HMCN2: variants seen among roughly 807,000 people sequenced by gnomAD.
HMCN2 encodes hemicentin 2.
In HMCN2, 325 loss-of-function variants were observed where a neutral mutation model predicts 377.5. The ratio of observed to expected loss-of-function variants is 0.86; its 90% CI spans 0.79 to 0.94. The LOEUF (loss-of-function observed/expected upper bound fraction) is 0.94. Among genes scored for constraint, HMCN2 ranks in the 40% least tolerant of loss-of-function variants. The probability of loss-of-function intolerance (pLI) is 0.00; values close to 1 mark genes in which losing one functional copy is unlikely to be tolerated. For missense variants in HMCN2, 4,543 were observed against 4,725.3 expected (o/e 0.96, Z 1.13); for synonymous variants, 2,007 against 2,046.8 (o/e 0.98, Z 0.53).
At chr9:130,299,815 G>T (rs1258974821) in intron 8 of HMCN2, among the ~76,000 whole-genome samples, 1 of 82,746 alleles carries the variant, frequency 1.2e-5, no homozygotes, top group Admixed American at 1.5e-4. Flanking sequence ...ATTCATGCAT[G>T]CATTGACTCA....
intron 15 of HMCN2, among the ~76,000 whole-genome samples, chr9:130,316,587 C>T (rs926973809): frequency 1.9e-4 from 29 of 152,180 alleles, no homozygotes; most frequent in South Asian, 1.4e-3. Context: ...CAGCTGCAGC[C>T]GTCAGCTGAC....
intron 90 of HMCN2, among the ~76,000 whole-genome samples, chr9:130,426,708 C>T (rs1483032988): frequency 1.3e-5 from 2 of 152,086 alleles, no homozygotes; most frequent in Admixed American, 6.5e-5. Flanking sequence ...GCTTTGAATG[C>T]GGCCCAACAC....
rs1341213368 is a variant in HMCN2, at chr9:130,393,793, G to A, written c.10286G>A (p.Arg3429His). The A allele has an allele frequency of 1.8e-5, 23 of 1,284,712 alleles. No homozygotes were observed. The highest frequency in any genetic ancestry group is 2.5e-5 in the South Asian group (2 of 80,324). The allele number at this position is 1,284,712 out of a possible 1,614,324, so 79.6% of individuals were successfully genotyped here. A position where few individuals can be genotyped will look rare whatever the true frequency, so the allele number is the denominator to read the frequency against. ...TTCCAGAATGACGTGGTGGTGGTTC[G>A]TGGCTCCCTGGTGGAACTCCCGTGC... ...VEFQNDVVVV[R>H]GSLVELPCEA... is the part of the protein sequence containing the mutation. The change falls in exon 68 of 98, where the codon CGT becomes CAT. Residue 3429 changes from arginine (R) to histidine (H), a missense_variant. Transcript: ENST00000683500. The surrounding 1 kb of genome is among the most constrained non-coding windows in gnomAD (Gnocchi z 5.2).
intron 83 of HMCN2, among the ~76,000 whole-genome samples, chr9:130,407,981 G>T (rs1421076443): frequency 6.6e-6 from 1 of 152,222 alleles, no homozygotes; most frequent in Non-Finnish European, 1.5e-5. Flanking sequence ...CTGACCAATT[G>T]CCCTACAGCA....
At chr9:130,324,339 T>A (rs1838012471) in intron 19 of HMCN2, among the ~76,000 whole-genome samples, 1 of 152,212 alleles carries the variant, frequency 6.6e-6, no homozygotes, top group Non-Finnish European at 1.5e-5. Context: ...GTAGCATGTG[T>A]CAGAATTTTA....
intron 43 of HMCN2, among the ~76,000 whole-genome samples, chr9:130,367,306 G>T (rs933615278): frequency 1.3e-5 from 2 of 152,112 alleles, no homozygotes; most frequent in Admixed American, 1.3e-4. Flanking sequence ...CAGAGGAGAG[G>T]TCTGGGCTAG....
At chr9:130,350,176 C>G (rs569524086) in intron 29 of HMCN2, among the ~76,000 whole-genome samples, 219 of 151,508 alleles carry the variant, frequency 1.4e-3, no homozygotes, top group African/African-American at 5.0e-3. Flanking sequence ...TCCCAAAGTG[C>G]TGAGATTACA....
chr9:130,383,733 A>G (rs1841860576), intron 57 of HMCN2, 133 bp downstream of exon 57: 1 of 296,620 alleles, frequency 3.4e-6, no homozygotes, highest in Admixed American at 6.5e-5. Flanking sequence ...CCCCAGCCAC[A>G]TCCCGAGACA....
intron 45 of HMCN2, among the ~76,000 whole-genome samples, chr9:130,370,410 G>C (rs572263742): frequency 6.6e-6 from 1 of 152,296 alleles, no homozygotes; most frequent in Admixed American, 6.5e-5. Context: ...GGTGGAGACA[G>C]GGAGTGGTAA....
In HMCN2 at chr9:130,359,312, C is replaced by CCCCTAGTG. The variant is rs995475264; in HGVS notation, c.5678-3_5682dup. 2 of 1,299,056 alleles carry CCCCTAGTG rather than the reference C, an allele frequency of 1.5e-6. No homozygotes were observed. Among genetic ancestry groups the CCCCTAGTG allele is most frequent in the African/African-American group, 3.0e-5 (2 of 65,716 alleles). The allele number at this position is 1,299,056 out of a possible 1,614,324, so 80.5% of individuals were successfully genotyped here. On this transcript the variant is annotated splice_polypyrimidine_tract_variant and splice_region_variant and intron_variant, in intron 36 of 97. Coordinates refer to ENST00000683500, the MANE Select transcript of HMCN2 (RefSeq NM_001291815.2). ...ACCAAGCTGGGTCTCTCCTTGTCTC[C>CCCCTAGTG]CCCTAGTGCCCCCCAACATCGAGCC... is the stretch of plus-strand genomic sequence containing the variant.
In HMCN2 at chr9:130,414,926, G is replaced by A. The variant is rs974672877; in HGVS notation, c.12962-3846G>A. On this transcript the variant is annotated intron_variant, in intron 85 of 97. Coordinates refer to ENST00000683500, the MANE Select transcript of HMCN2 (RefSeq NM_001291815.2). The surrounding 1 kb of genome is among the most constrained non-coding windows in gnomAD (Gnocchi z 4.4). ...CACTGTGCCTGACCAAGACTGAACT[G>A]TCACCACTGTCACCACTGAGTGGGA... Among the ~76,000 whole-genome samples the A allele has an allele frequency of 3.9e-5, 6 of 152,038 alleles. No homozygotes were observed. Among genetic ancestry groups the A allele is most frequent in the African/African-American group, 1.4e-4 (6 of 41,380 alleles).
At chr9:130,320,151 T>G (rs1837769305) in intron 16 of HMCN2, among the ~76,000 whole-genome samples, 1 of 152,212 alleles carries the variant, frequency 6.6e-6, no homozygotes, top group Admixed American at 6.5e-5. Context: ...ATTCCACAGA[T>G]GAGCAAACTG....
chr9:130,405,161 G>A (rs1843032619), intron 81 of HMCN2, 102 bp downstream of exon 81: 2 of 784,304 alleles, frequency 2.6e-6, no homozygotes, highest in Non-Finnish European at 3.3e-6. Flanking sequence ...CTGGGAGCCT[G>A]GGGAAATCAG....
intron 22 of HMCN2, among the ~76,000 whole-genome samples, chr9:130,329,690 G>A (rs1289384318): frequency 6.6e-6 from 1 of 152,072 alleles, no homozygotes; most frequent in Non-Finnish European, 1.5e-5. Flanking sequence ...TGGTCCACCC[G>A]CCTCGGTCTC....
chr9:130,328,229 C>T (rs1838250655), intron 22 of HMCN2, among the ~76,000 whole-genome samples: 3 of 152,278 alleles, frequency 2.0e-5, no homozygotes, highest in South Asian at 2.1e-4. Context: ...CTAGAGGTGG[C>T]GGGGACCCAG....
chr9:130,425,630 A>G, intron 89 of HMCN2, 57 bp from the exon 90 acceptor site: 10 of 872,278 alleles, frequency 1.1e-5, no homozygotes, highest in African/African-American at 1.8e-5. Flanking sequence ...TCCAACCCTG[A>G]CCCCTTTCTC....
Position 130,423,723 on chromosome 9 carries a change from C to T in HMCN2, c.13381+997C>T, listed in dbSNP as rs1489531866. Among the ~76,000 whole-genome samples, 3 of 152,174 alleles carry T rather than the reference C, an allele frequency of 2.0e-5. No homozygotes were observed. Among genetic ancestry groups the T allele is most frequent in the Non-Finnish European group, 4.4e-5 (3 of 68,022 alleles). On this transcript the variant is annotated intron_variant, in intron 87 of 97. Coordinates refer to ENST00000683500, the MANE Select transcript of HMCN2 (RefSeq NM_001291815.2). The surrounding 1 kb of genome is among the most constrained non-coding windows in gnomAD (Gnocchi z 5.5). ...CAGTCCATGGCCCCACCTGGTCCTG[C>T]GTGGAGGGCGGGGCATCACATGAAG...
chr9:130,316,719 C>T (rs1275026542), intron 15 of HMCN2, among the ~76,000 whole-genome samples: 4 of 152,314 alleles, frequency 2.6e-5, no homozygotes, highest in East Asian at 1.9e-4. Context: ...TGTGGAGCCA[C>T]GGTGGCCATG....
intron 11 of HMCN2, 107 bp downstream of exon 11, chr9:130,305,109 C>T: frequency 2.6e-6 from 1 of 385,588 alleles, no homozygotes. Context: ...CTCTGGCAGG[C>T]AATAGCAGCC....
Sources: gnomAD v4.1 joint callset for allele counts (sites outside exome capture counted in the v4.1 genomes callset) on GRCh38, gnomAD v4.1.1 for gene constraint, Gnocchi (gnomAD v3.1) non-coding constraint, MANE v1.5 for transcripts, NCBI Gene and HGNC (gene_info 2026-07-23, HGNC 2026-07-21) for gene names.